SLC6A8: variants seen among roughly 807,000 people sequenced by gnomAD.
SLC6A8 encodes sodium- and chloride-dependent creatine transporter 1.
Under a neutral mutation model 48.3 loss-of-function variants are expected in SLC6A8, and 6 were observed. That is an observed-to-expected ratio of 0.12 (90% CI 0.07 to 0.25). The LOEUF is 0.25. Ranked by LOEUF, SLC6A8 falls within the 10% of genes least tolerant of loss-of-function variation. SLC6A8 has a pLI of 1.00. For synonymous variants in SLC6A8, 245 were observed against 244.0 expected (o/e 1.00, Z -0.04); for missense variants, 260 against 551.5 (o/e 0.47, Z 5.29).
rs781954255 is a variant in SLC6A8, at chrX:153,693,393, G to T, written c.1016+27G>T. 9 of 1,200,935 alleles carry T rather than the reference G, an allele frequency of 7.5e-6. No individual in the cohort carries two copies. The African/African-American group carries it at 1.6e-4, about 21-fold the overall frequency. On this transcript the variant is annotated intron_variant, in intron 6 of 12. Transcript: ENST00000253122. Reference sequence around the variant, plus strand: ...TAAGCACCGCCGCCCTGCCACCCGTGCCCTGTCCTGCCCTGCCCCGCCCTG... The same window carrying T: ...TAAGCACCGCCGCCCTGCCACCCGTTCCCTGTCCTGCCCTGCCCCGCCCTG...
chrX:153,688,862 T>C (rs192387453), intron 1 of SLC6A8, 26 bp downstream of exon 1: 121,294 of 1,010,692 alleles, frequency 0.12, 5,469 homozygotes, highest in African/African-American at 0.23. Flanking sequence ...CGCCGCGGCC[T>C]CCTCCCCCAG....
chrX:153,692,638 C>T (rs1557044752), intron 4 of SLC6A8: 1 of 343,993 alleles, frequency 2.9e-6, no homozygotes, highest in South Asian at 2.6e-5. Flanking sequence ...ACCTGCTCAA[C>T]CCCCACCTCT....
Position 153,694,654 on chromosome X carries a change from G to A in SLC6A8, c.1596+21G>A, listed in dbSNP as rs73633747. Reference sequence around the variant, plus strand: ...GCATGGTAAGGGCTGGGGGAGGTGGGGCAGGGCGGGGGGCGAGGCAGGGCG... The same window carrying A: ...GCATGGTAAGGGCTGGGGGAGGTGGAGCAGGGCGGGGGGCGAGGCAGGGCG... On this transcript the variant is annotated intron_variant, in intron 11 of 12. Coordinates refer to ENST00000253122, the MANE Select transcript of SLC6A8 (RefSeq NM_005629.4). 2.9e-3 allele frequency: 3,474 copies of A among 1,191,972 alleles called. 74 individuals are homozygous for A. The African/African-American group carries it at 0.055, about 19-fold the overall frequency.
chrX:153,691,413 C>T lies in SLC6A8; in HGVS notation c.504C>T (p.Pro168=), dbSNP rs1177920882. Residue 168 remains proline, a synonymous_variant, in exon 3 of 13, where the codon CCC becomes CCT. Transcript: ENST00000253122. Reference sequence around the variant, plus strand: ...TCAAGTCCTTTACCACCACGCTGCCCTGGGCCACATGTGGCCACACCTGGA... The same window carrying T: ...TCAAGTCCTTTACCACCACGCTGCCTTGGGCCACATGTGGCCACACCTGGA... The part of the protein sequence containing the change: ...YLVKSFTTTL[P]WATCGHTWNT... 1 of 1,210,411 alleles carries T rather than the reference C, an allele frequency of 8.3e-7. No homozygotes were observed. Among genetic ancestry groups the T allele is most frequent in the Non-Finnish European group, 1.1e-6 (1 of 894,733 alleles).
Position 153,690,433 on chromosome X carries a change from C to T in SLC6A8, c.321C>T (p.Phe107=). The change falls in exon 2 of 13, where the codon TTC becomes TTT. Residue 107 remains phenylalanine, a synonymous_variant. Transcript: ENST00000253122. Reference sequence around the variant, plus strand: ...TGGTTGGAGGAATCCCCATTTTCTTCTTAGAGATCTCGCTGGGCCAGTTCA... The same window carrying T: ...TGGTTGGAGGAATCCCCATTTTCTTTTTAGAGATCTCGCTGGGCCAGTTCA... ...IALVGGIPIF[F]LEISLGQFMK... 8.4e-7 allele frequency: 1 copy of T among 1,196,297 alleles called. No individual in the cohort carries two copies. Among genetic ancestry groups the T allele is most frequent in the Non-Finnish European group, 1.1e-6 (1 of 886,394 alleles).
intron 2 of SLC6A8, 173 bp from the exon 3 acceptor site, chrX:153,691,131 A>C: frequency 2.2e-5 from 11 of 496,511 alleles, no homozygotes; most frequent in Non-Finnish European, 3.6e-5. Context: ...CTGGGGAGTC[A>C]GCGCAGTGTT....
intron 1 of SLC6A8, chrX:153,689,400 T>C (rs1234785615): frequency 5.8e-6 from 1 of 171,525 alleles, no homozygotes; most frequent in Non-Finnish European, 9.1e-6. Context: ...ACACACTGCA[T>C]GCACGTCCCA....
chrX:153,695,290 G>A lies in SLC6A8; in HGVS notation c.*76G>A. The A allele has an allele frequency of 9.5e-7, 1 of 1,054,782 alleles. No individual in the cohort carries two copies. The highest frequency in any genetic ancestry group is 1.3e-6 in the Non-Finnish European group (1 of 770,843). The allele number at this position is 1,054,782 out of a possible 1,213,427, so 86.9% of individuals were successfully genotyped here. A position where few individuals can be genotyped will look rare whatever the true frequency, so the allele number is the denominator to read the frequency against. On this transcript the variant is annotated 3_prime_UTR_variant, in exon 13 of 13. Transcript: ENST00000253122. Reference sequence around the variant, plus strand: ...CTTCAGCCCCACCGCACCCCTCCAGGGGGCCTGCCTTTCCCTGACACTTTT... The same window carrying A: ...CTTCAGCCCCACCGCACCCCTCCAGAGGGCCTGCCTTTCCCTGACACTTTT...
chrX:153,693,840 G>A (rs2091471504), intron 7 of SLC6A8, 65 bp from the exon 8 acceptor site: 2 of 947,291 alleles, frequency 2.1e-6, no homozygotes, highest in Non-Finnish European at 1.5e-6. Context: ...GTTGCAGGCA[G>A]GGCTCAGGGT....
rs782005985 is a variant in SLC6A8, at chrX:153,693,119, C to G, written c.856C>G (p.Leu286Val). The G allele has an allele frequency of 8.3e-7, 1 of 1,209,211 alleles. No individual in the cohort carries two copies. Among genetic ancestry groups the G allele is most frequent in the African/African-American group, 1.7e-5 (1 of 57,369 alleles). ...GCGTGGAGTGCTGCTGCCTGGCGCC[C>G]TGGATGGCATCATTTACTATCTCAA... Reference protein sequence around the residue: ...LVRGVLLPGALDGIIYYLKPD... With the variant: ...LVRGVLLPGAVDGIIYYLKPD... The change falls in exon 5 of 13, where the codon CTG becomes GTG. Residue 286 changes from leucine (L) to valine (V), a missense_variant. By Grantham distance (32) the Leu-to-Val change is conservative (BLOSUM62 1). Coordinates refer to ENST00000253122, the MANE Select transcript of SLC6A8 (RefSeq NM_005629.4).
Position 153,688,808 on chromosome X carries a change from C to A in SLC6A8, c.234C>A (p.Phe78Leu). 8.8e-7 allele frequency: 1 copy of A among 1,135,950 alleles called. No individual in the cohort carries two copies. The highest frequency in any genetic ancestry group is 1.2e-6 in the Non-Finnish European group (1 of 854,878). The allele number at this position is 1,135,950 out of a possible 1,213,427, so 93.6% of individuals were successfully genotyped here. The part of the protein sequence containing the change: ...FAVGLGNVWR[F>L]PYLCYKNGGG... ...TGGGCTTGGGCAACGTGTGGCGCTT[C>A]CCCTACCTGTGCTACAAGAACGGCG... is the stretch of plus-strand genomic sequence containing the variant. Residue 78 changes from phenylalanine to leucine, a missense_variant, in exon 1 of 13, where the codon TTC becomes TTA. By Grantham distance (22) the Phe-to-Leu change is conservative (BLOSUM62 0). Around this residue, in one of 7 missense-constraint regions of SLC6A8, gnomAD observed 24 missense variants for 52.0 expected, o/e 0.46. Transcript: ENST00000253122.
Position 153,694,156 on chromosome X carries a change from C to T in SLC6A8, c.1281C>T (p.Thr427=), listed in dbSNP as rs368950125. The T allele has an allele frequency of 2.1e-4, 249 of 1,208,619 alleles. No individual in the cohort carries two copies. Among genetic ancestry groups the T allele is most frequent in the Non-Finnish European group, 2.5e-4 (228 of 894,143 alleles). The change falls in exon 9 of 13, where the codon ACC becomes ACT. Residue 427 remains threonine, a synonymous_variant. Coordinates refer to ENST00000253122, the MANE Select transcript of SLC6A8 (RefSeq NM_005629.4). ...TTGTAGGTGTGGAGGGCTTCATCAC[C>T]GGCCTCCTCGACCTCCTCCCGGCCT... ...SQFVGVEGFI[T]GLLDLLPASY...
rs2091432957 is a variant in SLC6A8, at chrX:153,688,277, GCCGCCGCCGCCGCCGCCCGGCCGGGCC to G, written c.-286_-260del. ...GCGGGCAGGAGCCTCGGGAGCCGCC[GCCGCCGCCGCCGCCGCCCGGCCGGGCC>G]CCGCCGCCGCCCGCGCGCCCCCGGG... On this transcript the variant is annotated 5_prime_UTR_variant, in exon 1 of 13. Transcript: ENST00000253122. 1 of 103,021 alleles carries G rather than the reference GCCGCCGCCGCCGCCGCCCGGCCGGGCC, an allele frequency of 9.7e-6. No homozygotes were observed. The highest frequency in any genetic ancestry group is 3.5e-5 in the African/African-American group (1 of 28,750). 8.5% of individuals were successfully genotyped at this position (103,021 alleles called of 1,213,427 possible).
chrX:153,689,528 G>A, intron 1 of SLC6A8: 7 of 752,659 alleles, frequency 9.3e-6, no homozygotes, highest in Non-Finnish European at 1.1e-5. Flanking sequence ...CCCGGTGATG[G>A]GTGGGAAACA....
chrX:153,692,621 ACT>A, intron 4 of SLC6A8: 1 of 339,980 alleles, frequency 2.9e-6, no homozygotes, highest in South Asian at 2.6e-5. Flanking sequence ...GCCCAGTTCC[ACT>A]CTCCACCTGC....
At chrX:153,691,074 C>G (rs2091453598) in intron 2 of SLC6A8, 1 of 410,727 alleles carries the variant, frequency 2.4e-6, no homozygotes, top group Admixed American at 3.7e-5. Flanking sequence ...AGGAGAGGGG[C>G]TCGCTCTGCC....
At chrX:153,693,393 G>A (rs781954255) in intron 6 of SLC6A8, 27 bp downstream of exon 6, 10 of 1,200,935 alleles carry the variant, frequency 8.3e-6, no homozygotes, top group Middle Eastern at 2.3e-4. Flanking sequence ...TGCCACCCGT[G>A]CCCTGTCCTG....
rs2091473846 is a variant in SLC6A8 at position 153,694,115 on chromosome X, C to G, written c.1255-15C>G. 8.3e-7 allele frequency: 1 copy of G among 1,210,005 alleles called. No individual in the cohort carries two copies. Among genetic ancestry groups the G allele is most frequent in the African/African-American group, 1.7e-5 (1 of 57,809 alleles). ...AGGGCGGTGCGGGGCTCGGCCTGAG[C>G]TGCCCTGGCCACAGTTTGTAGGTGT... On this transcript the variant is annotated splice_polypyrimidine_tract_variant and intron_variant, in intron 8 of 12. Transcript: ENST00000253122.
rs561103166 is a variant in SLC6A8, at chrX:153,693,046, G to C, written c.783G>C (p.Val261=). ...TGAGCAGCCTGGCCCCCCAGATCGTGTACTTCACTGCTACATTCCCCTACG... is the reference window on the plus strand; with the variant it reads ...TGAGCAGCCTGGCCCCCCAGATCGTCTACTTCACTGCTACATTCCCCTACG... ...WKGVKSTGKI[V]YFTATFPYVV... is the part of the protein sequence containing the mutation. The change falls in exon 5 of 13, where the codon GTG becomes GTC. Residue 261 remains valine (V), a synonymous_variant. Coordinates refer to ENST00000253122, the MANE Select transcript of SLC6A8 (RefSeq NM_005629.4). 5.0e-6 allele frequency: 6 copies of C among 1,209,955 alleles called. No homozygotes were observed. The East Asian group carries it at 1.2e-4, about 24-fold the overall frequency.
Sources: gnomAD v4.1 joint callset for allele counts on GRCh38, gnomAD v4.1.1 for gene constraint, gnomAD v4.1.1 regional missense constraint, MANE v1.5 for transcripts, NCBI Gene and HGNC (gene_info 2026-07-23, HGNC 2026-07-21) for gene names.